The following PPFIA2 variants were observed in gnomAD, a reference collection of about 807,000 sequenced individuals.
The protein encoded by PPFIA2 is PPFI scaffold protein A2.
Under a neutral mutation model 175.5 loss-of-function variants are expected in PPFIA2, and 46 were observed. The ratio of observed to expected loss-of-function variants is 0.26; its 90% confidence interval spans 0.21 to 0.34. PPFIA2 has a LOEUF of 0.34. PPFIA2 is among the 10% of genes least tolerant of loss of function. PPFIA2 has a pLI of 1.00. For missense variants in PPFIA2, 1,179 were observed against 1,506.1 expected, an observed-to-expected ratio of 0.78 and a Z score of 3.60; for synonymous variants, 568 against 511.4, an observed-to-expected ratio of 1.11 and a Z score of -1.49.
chr12:81,661,364 C>A (rs538844044), intron 4 of PPFIA2, among the ~76,000 whole-genome samples: 17 of 152,180 alleles, frequency 1.1e-4, no homozygotes, highest in African/African-American at 3.4e-4. Context: ...ATCTACCAAG[C>A]AAATGGAAAA....
chr12:81,569,341 T>C (rs57895928), intron 4 of PPFIA2, among the ~76,000 whole-genome samples: 3,480 of 152,232 alleles, frequency 0.023, 131 homozygotes, highest in African/African-American at 0.08. Flanking sequence ...AAGATGAGAA[T>C]TGTACGTAAC....
intron 4 of PPFIA2, among the ~76,000 whole-genome samples, chr12:81,614,918 A>G (rs1392800162): frequency 2.6e-5 from 4 of 152,174 alleles, no homozygotes; most frequent in African/African-American, 4.8e-5. Context: ...CACGTAACTA[A>G]TAAGTTGGAA....
At chr12:81,492,130 T>C (rs1295447431) in intron 4 of PPFIA2, among the ~76,000 whole-genome samples, 1 of 152,038 alleles carries the variant, frequency 6.6e-6, no homozygotes, top group Admixed American at 6.6e-5. Context: ...CACCATTTTT[T>C]TTTAGGAAAT....
intron 4 of PPFIA2, among the ~76,000 whole-genome samples, chr12:81,667,873 G>T (rs1205860615): frequency 6.6e-6 from 1 of 152,038 alleles, no homozygotes; most frequent in East Asian, 1.9e-4. Context: ...AGAGGAAGAT[G>T]ATCCACTTTT....
At chr12:81,373,494 C>G (rs191291932) in intron 11 of PPFIA2, among the ~76,000 whole-genome samples, 2 of 152,048 alleles carry the variant, frequency 1.3e-5, no homozygotes, top group East Asian at 3.9e-4. Context: ...GAGTGGTTTA[C>G]TGGCATGGTT....
At chr12:81,591,836 C>G (rs1922400) in intron 4 of PPFIA2, among the ~76,000 whole-genome samples, 107,126 of 151,832 alleles carry the variant, frequency 0.71, 37,911 homozygotes, top group East Asian at 0.78. Flanking sequence ...TGGAGAACCT[C>G]TGCTATGGCA....
In PPFIA2 at chr12:81,405,843, A is replaced by G. The variant is rs1282141271; in HGVS notation, c.706T>C (p.Ser236Pro). 7 of 1,582,518 alleles carry G rather than the reference A, an allele frequency of 4.4e-6. No individual in the cohort carries two copies. The highest frequency in any genetic ancestry group is 3.5e-5 in the South Asian group (3 of 86,490). The change falls in exon 8 of 33, where the codon TCC becomes CCC. Residue 236 changes from serine (S) to proline (P), a missense_variant. Around this residue, in one of 10 missense-constraint regions of PPFIA2, gnomAD observed 226 missense variants for 216.6 expected, o/e 1.04. Coordinates refer to ENST00000549396, the MANE Select transcript of PPFIA2 (RefSeq NM_003625.5). ...CCTTCAAGATGTTCTGACTCTGTGG[A>G]TCCCTCGCTTGATGCCATTTTTCTT... ...IQRKMASSEG[S>P]TESEHLEGME...
chr12:81,520,883 C>T (rs1225735663), intron 4 of PPFIA2, among the ~76,000 whole-genome samples: 1 of 152,052 alleles, frequency 6.6e-6, no homozygotes, highest in African/African-American at 2.4e-5. Flanking sequence ...CCATGCAGTG[C>T]CTGGTAGCCC....
chr12:81,468,856 ATATGT>A (rs902399623), intron 4 of PPFIA2, among the ~76,000 whole-genome samples: 7 of 150,638 alleles, frequency 4.6e-5, no homozygotes, highest in Admixed American at 1.3e-4. Context: ...TTGTGTTATA[ATATGT>A]TATATCAATA....
intron 31 of PPFIA2, 38 bp downstream of exon 31, chr12:81,263,193 C>CT: frequency 6.5e-7 from 1 of 1,535,702 alleles, no homozygotes; most frequent in Non-Finnish European, 8.9e-7. Flanking sequence ...GCTAAACAAG[C>CT]TTTTTGCTTG....
chr12:81,540,182 A>G (rs2065994565), intron 4 of PPFIA2, among the ~76,000 whole-genome samples: 1 of 152,054 alleles, frequency 6.6e-6, no homozygotes, highest in Non-Finnish European at 1.5e-5. Flanking sequence ...AAGCAAACAA[A>G]CCAAAATAAA....
intron 1 of PPFIA2, 35 bp from the exon 2 acceptor site, chr12:81,758,542 C>G (rs2085044542): frequency 2.6e-6 from 1 of 391,098 alleles, no homozygotes. Flanking sequence ...CTCAGACACA[C>G]GCGTGCCCCG....
At chr12:81,537,156 A>G (rs77179939) in intron 4 of PPFIA2, among the ~76,000 whole-genome samples, 1 of 151,730 alleles carries the variant, frequency 6.6e-6, no homozygotes, top group Non-Finnish European at 1.5e-5. Context: ...GAAAAATTTA[A>G]TATGGAACAC....
intron 4 of PPFIA2, among the ~76,000 whole-genome samples, chr12:81,620,031 G>A (rs531162403): frequency 1.3e-5 from 2 of 151,764 alleles, no homozygotes; most frequent in East Asian, 1.9e-4. Context: ...GTGATGGCGG[G>A]TGCCTGTAGT....
chr12:81,365,947 T>C (rs2033109037), intron 14 of PPFIA2, among the ~76,000 whole-genome samples: 1 of 150,668 alleles, frequency 6.6e-6, no homozygotes, highest in Non-Finnish European at 1.5e-5. Flanking sequence ...TCCAATACCT[T>C]CTATATCCCA....
intron 3 of PPFIA2, among the ~76,000 whole-genome samples, chr12:81,749,809 C>A (rs2083515295): frequency 6.9e-6 from 1 of 144,256 alleles, no homozygotes; most frequent in Admixed American, 7.3e-5. Context: ...ATCTGAAGTT[C>A]TGACTCAAAC....
chr12:81,461,655 T>C (rs2054556029), intron 4 of PPFIA2, among the ~76,000 whole-genome samples: 1 of 152,130 alleles, frequency 6.6e-6, no homozygotes, highest in South Asian at 2.1e-4. Flanking sequence ...AGAAGTCATA[T>C]GTCCCTCAAA....
At chr12:81,631,331 T>C (rs2063359194) in intron 4 of PPFIA2, among the ~76,000 whole-genome samples, 1 of 152,254 alleles carries the variant, frequency 6.6e-6, no homozygotes, top group Admixed American at 6.5e-5. Context: ...TTGAATTTGT[T>C]GGTGTTGTCT....
intron 7 of PPFIA2, among the ~76,000 whole-genome samples, chr12:81,416,232 C>G (rs1029819565): frequency 1.3e-5 from 2 of 151,522 alleles, no homozygotes; most frequent in African/African-American, 4.8e-5. Context: ...AATTTCTAAA[C>G]AGTTTTTCAA....
Sources: gnomAD v4.1 joint callset for allele counts (sites outside exome capture counted in the v4.1 genomes callset) on GRCh38, gnomAD v4.1.1 for gene constraint, gnomAD v4.1.1 regional missense constraint, MANE v1.5 for transcripts, NCBI Gene and HGNC (gene_info 2026-07-23, HGNC 2026-07-21) for gene names.